CELSR1: variants seen among roughly 807,000 people sequenced by gnomAD.
CELSR1 encodes the protein cadherin EGF LAG seven-pass G-type receptor 1.
Under a neutral mutation model 249.1 loss-of-function variants are expected in CELSR1, and 110 were observed. That is an observed-to-expected ratio of 0.44 (90% CI 0.38 to 0.52). The LOEUF (loss-of-function observed/expected upper bound fraction) is 0.52, where lower values mean the gene tolerates loss of function less well. Among genes scored for constraint, CELSR1 ranks in the 20% least tolerant of loss-of-function variants. The probability of loss-of-function intolerance (pLI) is 0.00; values close to 1 mark genes in which losing one functional copy is unlikely to be tolerated. For synonymous variants in CELSR1, 2,113 were observed against 1,900.0 expected (o/e 1.11, Z -2.92); for missense variants, 4,109 against 4,296.4 (o/e 0.96, Z 1.22).
rs865870911 is a variant in CELSR1 at position 46,537,536 on chromosome 22, G to A, written c.-366C>T. ...GGGAAGCGGGGCGGGCCCGGCGCGG[G>A]GCGGGGGCTGAGTTCCCGGAGCGGG... On this transcript the variant is annotated 5_prime_UTR_variant, in exon 1 of 35. Transcript: ENST00000674500. This position sits in a 1 kb window ranked among gnomAD's most constrained non-coding sequence, Gnocchi z 5.8. Among the ~76,000 whole-genome samples the A allele has an allele frequency of 5.3e-4, 78 of 148,038 alleles. 1 individual carries two copies. Among genetic ancestry groups the A allele is most frequent in the African/African-American group, 1.6e-3 (67 of 41,046 alleles).
intron 25 of CELSR1, among the ~76,000 whole-genome samples, chr22:46,372,272 A>C (rs111065567): frequency 0.042 from 3,490 of 83,986 alleles, 254 homozygotes; most frequent in African/African-American, 0.18. Context: ...ATCCATCCTC[A>C]CTCAACCCCC....
At chr22:46,496,019 C>T (rs924540707) in intron 1 of CELSR1, among the ~76,000 whole-genome samples, 1 of 150,876 alleles carries the variant, frequency 6.6e-6, no homozygotes, top group Non-Finnish European at 1.5e-5. Flanking sequence ...CATGGTGAAA[C>T]CCTGTCTCTA....
rs1392717918 is a variant in CELSR1, at chr22:46,517,693, C to T, written c.3544+15934G>A. ...AATAAACCTTCATATTTTCCATTCT[C>T]TCCTCTTTGAAGAATTGGGAGAACT... On this transcript the variant is annotated intron_variant, in intron 1 of 34. Transcript: ENST00000674500. This position sits in a 1 kb window ranked among gnomAD's most constrained non-coding sequence, Gnocchi z 5.4. Among the ~76,000 whole-genome samples, 1 of 152,208 alleles carries T rather than the reference C, an allele frequency of 6.6e-6. No individual in the cohort carries two copies. The highest frequency in any genetic ancestry group is 2.4e-5 in the African/African-American group (1 of 41,462).
chr22:46,364,350 C>T, intron 33 of CELSR1, 99 bp from the exon 34 acceptor site: 3 of 1,538,238 alleles, frequency 2.0e-6, no homozygotes, highest in Non-Finnish European at 2.6e-6. Context: ...CCTGTCCTTC[C>T]TCCTGGTTCC....
At position 46,439,400 on chromosome 22, in the gene CELSR1, C is replaced by T; in HGVS notation, c.4195G>A (p.Glu1399Lys). 6.2e-7 allele frequency: 1 copy of T among 1,612,706 alleles called. No homozygotes were observed. Among genetic ancestry groups the T allele is most frequent in the South Asian group, 1.1e-5 (1 of 90,984 alleles). ...CAGCGGCCTGAGCGGGCATCCACCT[C>T]ACAGTGCTCTCCTGGGGGGCGAGAG... ...CFEDFTGEHCEVDARSGRCAN... is the reference protein window; with the variant it reads ...CFEDFTGEHCKVDARSGRCAN... The change falls in exon 3 of 35, where the codon GAG (glutamate) becomes AAG (lysine). Residue 1399 changes from glutamate to lysine, a missense_variant. Physicochemically the swap from Glu to Lys is moderately conservative, Grantham distance 56. Around this residue, in one of 7 missense-constraint regions of CELSR1, gnomAD observed 453 missense variants for 492.0 expected, o/e 0.92. Coordinates refer to ENST00000674500, the MANE Select transcript of CELSR1 (RefSeq NM_001378328.1).
chr22:46,479,326 C>T (rs560333042), intron 1 of CELSR1, among the ~76,000 whole-genome samples: 19 of 152,142 alleles, frequency 1.2e-4, no homozygotes, highest in African/African-American at 3.4e-4. Flanking sequence ...TGCGTCAAGC[C>T]GCTCCTACCC....
chr22:46,405,906 C>T (rs1569139699), intron 9 of CELSR1, among the ~76,000 whole-genome samples: 2 of 152,178 alleles, frequency 1.3e-5, no homozygotes, highest in African/African-American at 2.4e-5. Flanking sequence ...TGACCGGCCT[C>T]TGCGAGCTGC....
chr22:46,382,277 ATTTAT>A (rs1391239778), intron 20 of CELSR1, among the ~76,000 whole-genome samples: 3 of 152,134 alleles, frequency 2.0e-5, no homozygotes, highest in Middle Eastern at 6.8e-3. Context: ...TTCTATTTTT[ATTTAT>A]TTATTTATTT....
rs116668041 is a variant in CELSR1 at position 46,526,634 on chromosome 22, G to C, written c.3544+6993C>G. On this transcript the variant is annotated intron_variant, in intron 1 of 34. Coordinates refer to ENST00000674500, the MANE Select transcript of CELSR1 (RefSeq NM_001378328.1). This position sits in a 1 kb window ranked among gnomAD's most constrained non-coding sequence, Gnocchi z 4.7. ...ACGGATGACCCCCTCGGAGACACTC[G>C]CCCTCCCTCAGCCTCCAGGGCCTGC... Among the ~76,000 whole-genome samples the C allele has an allele frequency of 2.5e-3, 388 of 152,194 alleles. 1 individual carries two copies. Among genetic ancestry groups the C allele is most frequent in the African/African-American group, 8.8e-3 (364 of 41,536 alleles).
At chr22:46,514,875 G>A (rs752031678) in intron 1 of CELSR1, among the ~76,000 whole-genome samples, 11 of 152,130 alleles carry the variant, frequency 7.2e-5, no homozygotes, top group South Asian at 2.1e-4. Context: ...CGTACCCGCC[G>A]TCAATCCAGC....
chr22:46,460,391 G>T (rs1158896510), intron 2 of CELSR1, among the ~76,000 whole-genome samples: 1 of 152,210 alleles, frequency 6.6e-6, no homozygotes, highest in Non-Finnish European at 1.5e-5. Flanking sequence ...TCTCAGAGCA[G>T]GTGTACAGCT....
rs192168853 is a variant in CELSR1, at chr22:46,512,688, G to A, written c.3544+20939C>T. On this transcript the variant is annotated intron_variant, in intron 1 of 34. Transcript: ENST00000674500. The surrounding 1 kb of genome is among the most constrained non-coding windows in gnomAD (Gnocchi z 5.2). ...CGCCCCACTCTGCTCCTTCGGATAAGATCCCTCCACAGTCAACCCTTCTTG... is the reference window on the plus strand; with the variant it reads ...CGCCCCACTCTGCTCCTTCGGATAAAATCCCTCCACAGTCAACCCTTCTTG... Among the ~76,000 whole-genome samples, 76 of 152,288 alleles carry A rather than the reference G, an allele frequency of 5.0e-4. No individual in the cohort carries two copies. Among genetic ancestry groups the A allele is most frequent in the Middle Eastern group, 3.4e-3 (1 of 294 alleles).
intron 2 of CELSR1, among the ~76,000 whole-genome samples, chr22:46,442,777 T>C (rs1055024025): frequency 2.0e-5 from 3 of 152,128 alleles, no homozygotes; most frequent in Non-Finnish European, 2.9e-5. Flanking sequence ...CACTCTTCAT[T>C]ACCAGGTTGC....
intron 2 of CELSR1, among the ~76,000 whole-genome samples, chr22:46,463,443 G>A (rs1286031982): frequency 6.6e-6 from 1 of 152,056 alleles, no homozygotes; most frequent in Non-Finnish European, 1.5e-5. Flanking sequence ...TTGAACCGAG[G>A]AGGCGGAGGT....
chr22:46,394,010 TG>T, intron 14 of CELSR1, 131 bp downstream of exon 14: 1 of 1,150,872 alleles, frequency 8.7e-7, no homozygotes, highest in Non-Finnish European at 1.2e-6. Context: ...GTGATGTGAG[TG>T]GGCACAGGTG....
chr22:46,420,987 T>A (rs558172954), intron 5 of CELSR1, among the ~76,000 whole-genome samples: 25 of 152,160 alleles, frequency 1.6e-4, no homozygotes, highest in African/African-American at 5.8e-4. Flanking sequence ...GAGCAGCGGA[T>A]ACACGGGTGG....
At chr22:46,449,365 ACATC>A (rs150538879) in intron 2 of CELSR1, among the ~76,000 whole-genome samples, 12,008 of 139,842 alleles carry the variant, frequency 0.086, 652 homozygotes, top group Admixed American at 0.19. Flanking sequence ...CACCCATCAC[ACATC>A]CATCCATCCA....
chr22:46,424,599 C>T (rs558592294), intron 5 of CELSR1, among the ~76,000 whole-genome samples: 1 of 152,280 alleles, frequency 6.6e-6, no homozygotes, highest in South Asian at 2.1e-4. Context: ...CCTATCACAG[C>T]CACACCCACT....
rs1305347212 is a variant in CELSR1, at chr22:46,488,897, G to A, written c.3545-24552C>T. On this transcript the variant is annotated intron_variant, in intron 1 of 34. Transcript: ENST00000674500. The surrounding 1 kb of genome is among the most constrained non-coding windows in gnomAD (Gnocchi z 4.7). ...GATGGTCTCGATCTCCTGACCTCAT[G>A]ATCCGCCTGCCTCGGCTTCCCAAAG... is the stretch of plus-strand genomic sequence containing the variant. Among the ~76,000 whole-genome samples the A allele has an allele frequency of 1.3e-5, 2 of 151,842 alleles. No homozygotes were observed. The highest frequency in any genetic ancestry group is 2.9e-5 in the Non-Finnish European group (2 of 67,970).
Sources: gnomAD v4.1 joint callset for allele counts (sites outside exome capture counted in the v4.1 genomes callset) on GRCh38, gnomAD v4.1.1 for gene constraint, gnomAD v4.1.1 regional missense constraint, Gnocchi (gnomAD v3.1) non-coding constraint, MANE v1.5 for transcripts, NCBI Gene and HGNC (gene_info 2026-07-23, HGNC 2026-07-21) for gene names.